The following RBFOX1 variants were observed in gnomAD, a reference collection of about 807,000 sequenced individuals.
RBFOX1 encodes RNA binding fox-1 homolog 1, also known as RNA binding protein fox-1 homolog 1.
RBFOX1 carries 8 observed loss-of-function variants against 57.7 expected under a neutral mutation model. The observed-to-expected ratio is 0.14, with a 90% CI of 0.08 to 0.25. RBFOX1 has a LOEUF of 0.25. Among genes scored for constraint, RBFOX1 ranks in the 10% least tolerant of loss-of-function variants. The pLI, the probability that RBFOX1 is intolerant of heterozygous loss-of-function variation, is 1.00. For synonymous variants in RBFOX1, 326 were observed against 222.4 expected, an observed-to-expected ratio of 1.47 and a Z score of -4.15; for missense variants, 611 against 548.5, an observed-to-expected ratio of 1.11 and a Z score of -1.14.
intron 2 of RBFOX1, among the ~76,000 whole-genome samples, chr16:6,444,806 G>T (rs1302710805): frequency 6.6e-6 from 1 of 152,116 alleles, no homozygotes; most frequent in Non-Finnish European, 1.5e-5. Context: ...TTTGTTAGTG[G>T]GTAAAATGCA....
chr16:7,698,795 A>C (rs146961837), intron 14 of RBFOX1, among the ~76,000 whole-genome samples: 1 of 152,306 alleles, frequency 6.6e-6, no homozygotes, highest in African/African-American at 2.4e-5. Flanking sequence ...GGAACTTAGG[A>C]AACATACTCC....
chr16:5,708,578 C>G (rs1346827054), intron 3 of RBFOX1, among the ~76,000 whole-genome samples: 1 of 152,168 alleles, frequency 6.6e-6, no homozygotes, highest in Non-Finnish European at 1.5e-5. Flanking sequence ...CAGCTGACCC[C>G]CACCACCTCA....
chr16:6,856,993 A>C (rs752817067), intron 3 of RBFOX1, among the ~76,000 whole-genome samples: 2 of 152,224 alleles, frequency 1.3e-5, no homozygotes, highest in Non-Finnish European at 2.9e-5. Context: ...GACTTGAGAT[A>C]AATATTAGAC....
At chr16:6,847,708 T>C (rs1009729840) in intron 3 of RBFOX1, among the ~76,000 whole-genome samples, 12 of 152,176 alleles carry the variant, frequency 7.9e-5, no homozygotes, top group African/African-American at 2.7e-4. Flanking sequence ...TCGTCAGGAT[T>C]AGAGCACCCA....
chr16:6,417,893 T>G (rs2093669224), intron 2 of RBFOX1, among the ~76,000 whole-genome samples: 2 of 152,166 alleles, frequency 1.3e-5, no homozygotes, highest in Admixed American at 1.3e-4. Context: ...AGACAGAACT[T>G]TCTTCTGAGA....
Position 6,688,043 on chromosome 16 carries a change from A to C in RBFOX1, c.-16+33393A>C, listed in dbSNP as rs192301677. Among the ~76,000 whole-genome samples the C allele has an allele frequency of 2.0e-5, 3 of 152,328 alleles. 1 individual carries two copies. Among genetic ancestry groups the C allele is most frequent in the Admixed American group, 6.5e-5 (1 of 15,310 alleles). On this transcript the variant is annotated intron_variant, in intron 3 of 15. Coordinates refer to ENST00000550418, the MANE Select transcript of RBFOX1 (RefSeq NM_018723.4). ...TGCACCTCACCTGTTGTATTAGTCC[A>C]TTCTTGCACTGCCATAGACAAATAT...
chr16:7,639,399 A>G (rs1021365902), intron 11 of RBFOX1, among the ~76,000 whole-genome samples: 4 of 151,986 alleles, frequency 2.6e-5, no homozygotes, highest in African/African-American at 9.7e-5. Context: ...CCTCTTTGTC[A>G]TTTTCTCAGA....
At chr16:6,953,352 C>T (rs565687190) in intron 3 of RBFOX1, among the ~76,000 whole-genome samples, 1 of 149,638 alleles carries the variant, frequency 6.7e-6, no homozygotes, top group Non-Finnish European at 1.5e-5. Context: ...ACATAGAGAT[C>T]ACAATGTTTC....
At chr16:6,162,205 C>A (rs1290485384) in intron 1 of RBFOX1, among the ~76,000 whole-genome samples, 2 of 152,132 alleles carry the variant, frequency 1.3e-5, no homozygotes, top group Non-Finnish European at 2.9e-5. Context: ...GCAACTTCCG[C>A]CTTCCAGGTT....
At chr16:6,381,559 G>T (rs1009837067) in intron 2 of RBFOX1, among the ~76,000 whole-genome samples, 1 of 152,218 alleles carries the variant, frequency 6.6e-6, no homozygotes, top group Non-Finnish European at 1.5e-5. Context: ...TACAAAATAA[G>T]ATGCAGGTTT....
At chr16:6,985,397 G>GC (rs2090016887) in intron 3 of RBFOX1, among the ~76,000 whole-genome samples, 3 of 152,154 alleles carry the variant, frequency 2.0e-5, no homozygotes, top group Admixed American at 2.0e-4. Flanking sequence ...GGCTGGACAA[G>GC]GTGACTCAGG....
intron 2 of RBFOX1, among the ~76,000 whole-genome samples, chr16:5,569,383 A>G (rs2046189256): frequency 6.8e-6 from 1 of 147,260 alleles, no homozygotes; most frequent in Non-Finnish European, 1.5e-5. Context: ...TCTGTGAAAC[A>G]GAATGTATGA....
chr16:5,644,612 G>A (rs1475236119), intron 3 of RBFOX1, among the ~76,000 whole-genome samples: 2 of 152,204 alleles, frequency 1.3e-5, no homozygotes. Flanking sequence ...GAGACACAAG[G>A]TTGGCAATGT....
intron 4 of RBFOX1, among the ~76,000 whole-genome samples, chr16:7,292,504 T>C (rs1369081092): frequency 7.6e-6 from 1 of 131,122 alleles, no homozygotes; most frequent in Admixed American, 9.0e-5. Context: ...ATGTATTATA[T>C]ATAAAATATA....
At chr16:5,410,237 G>A (rs902361868) in intron 1 of RBFOX1, among the ~76,000 whole-genome samples, 5 of 151,872 alleles carry the variant, frequency 3.3e-5, no homozygotes, top group Non-Finnish European at 7.4e-5. Context: ...TGGGCATGGT[G>A]GTGTGTACCT....
intron 3 of RBFOX1, among the ~76,000 whole-genome samples, chr16:6,661,316 C>T (rs182840405): frequency 6.6e-6 from 1 of 152,268 alleles, no homozygotes; most frequent in East Asian, 1.9e-4. Flanking sequence ...ATGAAAGGCC[C>T]TCCTGGCAGA....
intron 3 of RBFOX1, among the ~76,000 whole-genome samples, chr16:6,762,004 A>G (rs1030587920): frequency 1.3e-5 from 2 of 152,170 alleles, no homozygotes; most frequent in Admixed American, 6.5e-5. Flanking sequence ...CTCAAGCTCG[A>G]CAACTCTACA....
At chr16:6,650,923 A>G (rs750294937) in intron 2 of RBFOX1, among the ~76,000 whole-genome samples, 1 of 151,998 alleles carries the variant, frequency 6.6e-6, no homozygotes, top group Non-Finnish European at 1.5e-5. Flanking sequence ...GTTTTTTGGA[A>G]ACAGAGTCTC....
At chr16:7,429,460 A>C (rs1194365779) in intron 4 of RBFOX1, among the ~76,000 whole-genome samples, 2 of 152,184 alleles carry the variant, frequency 1.3e-5, no homozygotes, top group African/African-American at 4.8e-5. Context: ...CTGCCAGCAC[A>C]CTGTACTTTT....
Sources: gnomAD v4.1 joint callset for allele counts (sites outside exome capture counted in the v4.1 genomes callset) on GRCh38, gnomAD v4.1.1 for gene constraint, MANE v1.5 for transcripts, NCBI Gene and HGNC (gene_info 2026-07-23, HGNC 2026-07-21) for gene names.